Variants in NALF1 observed in about 807,000 individuals in gnomAD.
NALF1 encodes family with sequence similarity 155 member A.
In NALF1, 3 loss-of-function variants were observed where a neutral mutation model predicts 48.4. That is an observed-to-expected ratio of 0.06 (90% confidence interval 0.03 to 0.16). The LOEUF is 0.16. Ranked by LOEUF, NALF1 falls within the 10% of genes least tolerant of loss-of-function variation. NALF1 has a pLI of 1.00. For synonymous variants in NALF1, 262 were observed against 245.7 expected, an observed-to-expected ratio of 1.07 and a Z score of -0.62; for missense variants, 526 against 571.5, an observed-to-expected ratio of 0.92 and a Z score of 0.81.
chr13:107,222,749 A>C (rs1208264437), intron 1 of NALF1, among the ~76,000 whole-genome samples: 3 of 152,230 alleles, frequency 2.0e-5, no homozygotes, highest in East Asian at 1.9e-4. Context: ...GAATATTAAC[A>C]TAAGGGCAAG....
chr13:107,552,443 A>T (rs1877322033), intron 1 of NALF1, among the ~76,000 whole-genome samples: 1 of 152,198 alleles, frequency 6.6e-6, no homozygotes, highest in South Asian at 2.1e-4. Flanking sequence ...ACGCACAGCT[A>T]ATTTAATAGA....
At chr13:107,435,800 G>T (rs557051210) in intron 1 of NALF1, among the ~76,000 whole-genome samples, 18 of 151,946 alleles carry the variant, frequency 1.2e-4, no homozygotes, top group African/African-American at 3.9e-4. Context: ...CGGCGGGGGA[G>T]GGGGGGAAGA....
intron 1 of NALF1, among the ~76,000 whole-genome samples, chr13:107,443,157 T>C (rs1884589536): frequency 6.7e-6 from 1 of 149,648 alleles, no homozygotes; most frequent in Admixed American, 6.7e-5. Context: ...ATTTATTATT[T>C]ATTTATCTAA....
rs912855974 is a variant in NALF1, at chr13:107,404,502, C to T, written c.916-193747G>A. 1.2e-4 allele frequency among the ~76,000 whole-genome samples: 18 copies of T among 151,980 alleles called. No homozygotes were observed. The East Asian group carries it at 3.5e-3, about 29-fold the overall frequency. On this transcript the variant is annotated intron_variant, in intron 1 of 2. Coordinates refer to ENST00000375915, the MANE Select transcript of NALF1 (RefSeq NM_001080396.3). ...AAAATTGACCTACAGAAAGAAAATT[C>T]AAAATATCAAAATAAAAATTCAGTT...
intron 1 of NALF1, among the ~76,000 whole-genome samples, chr13:107,421,277 G>A (rs137979676): frequency 6.6e-6 from 1 of 152,228 alleles, no homozygotes; most frequent in African/African-American, 2.4e-5. Flanking sequence ...TTTCTCTGGT[G>A]CTTCCTCCTC....
At chr13:107,783,241 G>A (rs1214607444) in intron 1 of NALF1, among the ~76,000 whole-genome samples, 1 of 140,624 alleles carries the variant, frequency 7.1e-6, no homozygotes, top group Non-Finnish European at 1.6e-5. Context: ...AGGGAGGTGG[G>A]GGGGTCAGCC....
chr13:107,387,183 T>A (rs530038824), intron 1 of NALF1, among the ~76,000 whole-genome samples: 1 of 152,164 alleles, frequency 6.6e-6, no homozygotes, highest in African/African-American at 2.4e-5. Flanking sequence ...ACGGTCCTAA[T>A]GGAAATTGAA....
At chr13:107,380,914 C>T (rs1263137531) in intron 1 of NALF1, among the ~76,000 whole-genome samples, 1 of 147,226 alleles carries the variant, frequency 6.8e-6, no homozygotes, top group Non-Finnish European at 1.5e-5. Context: ...GGAGGCGGAG[C>T]TTGCAGAGAG....
intron 1 of NALF1, among the ~76,000 whole-genome samples, chr13:107,330,140 C>T (rs191720879): frequency 4.6e-5 from 7 of 152,268 alleles, no homozygotes; most frequent in Non-Finnish European, 8.8e-5. Flanking sequence ...ACACGAGGCA[C>T]TTCAGGGCTG....
intron 1 of NALF1, among the ~76,000 whole-genome samples, chr13:107,366,400 T>C (rs566653853): frequency 2.6e-5 from 4 of 152,342 alleles, no homozygotes; most frequent in South Asian, 4.1e-4. Flanking sequence ...CTGCTGTCTA[T>C]GAAATTCTCC....
chr13:107,860,254 T>C (rs931470927), intron 1 of NALF1, among the ~76,000 whole-genome samples: 3 of 152,166 alleles, frequency 2.0e-5, no homozygotes, highest in East Asian at 1.9e-4. Flanking sequence ...GTCTCATCAA[T>C]AGAAATTCGT....
chr13:107,752,487 A>C (rs184066601), intron 1 of NALF1, among the ~76,000 whole-genome samples: 1 of 152,176 alleles, frequency 6.6e-6, no homozygotes, highest in Non-Finnish European at 1.5e-5. Flanking sequence ...ATAGAACAAA[A>C]TATGGTGTGG....
intron 1 of NALF1, among the ~76,000 whole-genome samples, chr13:107,269,050 G>A (rs920781678): frequency 5.3e-5 from 8 of 151,786 alleles, no homozygotes; most frequent in Non-Finnish European, 7.4e-5. Context: ...GTGGTCCCAC[G>A]TCCTTGGGAG....
chr13:107,379,077 A>G (rs1428872941), intron 1 of NALF1, among the ~76,000 whole-genome samples: 1 of 152,230 alleles, frequency 6.6e-6, no homozygotes, highest in Non-Finnish European at 1.5e-5. Flanking sequence ...CTGAAGAAAT[A>G]ATAGCTGGTA....
At chr13:107,617,369 A>C (rs1394146229) in intron 1 of NALF1, among the ~76,000 whole-genome samples, 1 of 152,200 alleles carries the variant, frequency 6.6e-6, no homozygotes, top group Non-Finnish European at 1.5e-5. Flanking sequence ...CATTCGTAAC[A>C]GTCAATCTAC....
rs1180821319 is a variant in NALF1 at position 107,865,996 on chromosome 13, C to G, written c.601G>C (p.Gly201Arg). 1.9e-6 allele frequency: 3 copies of G among 1,612,314 alleles called. No homozygotes were observed. The highest frequency in any genetic ancestry group is 1.7e-5 in the Admixed American group (1 of 60,024). ...CARNWSRGAA[G>R]GDGQEVRSKH... ...CTCCTCACCTCCTGCCCGTCCCCCCCGGCCGCCCCCCGACTCCAGTTCCTG... is the reference window on the plus strand; with the variant it reads ...CTCCTCACCTCCTGCCCGTCCCCCCGGGCCGCCCCCCGACTCCAGTTCCTG... Residue 201 changes from glycine to arginine, a missense_variant, in exon 1 of 3, where the codon GGG becomes CGG. Around this residue, in one of 2 missense-constraint regions of NALF1, gnomAD observed 373 missense variants for 355.5 expected, o/e 1.05. Transcript: ENST00000375915.
At chr13:107,257,270 A>T (rs1880835904) in intron 1 of NALF1, among the ~76,000 whole-genome samples, 1 of 152,166 alleles carries the variant, frequency 6.6e-6, no homozygotes, top group African/African-American at 2.4e-5. Context: ...GAACCATGTT[A>T]GTTGTTAACC....
intron 1 of NALF1, among the ~76,000 whole-genome samples, chr13:107,295,621 C>T (rs1881710601): frequency 6.6e-6 from 1 of 152,022 alleles, no homozygotes; most frequent in Admixed American, 6.6e-5. Context: ...TTAAGGCTTC[C>T]CCCAAACATT....
intron 1 of NALF1, among the ~76,000 whole-genome samples, chr13:107,539,249 G>A (rs1284309032): frequency 6.6e-6 from 1 of 151,898 alleles, no homozygotes; most frequent in Non-Finnish European, 1.5e-5. Context: ...ATCAGCATCT[G>A]GTGAGGGTCA....
Sources: allele counts gnomAD v4.1 joint callset (sites outside exome capture counted in the v4.1 genomes callset), GRCh38; gene constraint gnomAD v4.1.1; regional missense constraint gnomAD v4.1.1; transcripts MANE v1.5; gene names NCBI Gene and HGNC (gene_info 2026-07-23, HGNC 2026-07-21).